The following SBF2 variants were observed in gnomAD, a reference collection of about 807,000 sequenced individuals.
SBF2 encodes the protein SET binding factor 2.
SBF2 carries 112 observed loss-of-function variants against 225.2 expected under a neutral mutation model. The ratio of observed to expected loss-of-function variants is 0.50; its 90% CI spans 0.43 to 0.58. SBF2 has a LOEUF of 0.58. SBF2 is among the 20% of genes least tolerant of loss of function. The pLI, the probability that SBF2 is intolerant of heterozygous loss-of-function variation, is 0.00. For synonymous variants in SBF2, 763 were observed against 773.3 expected, an observed-to-expected ratio of 0.99 and a Z score of 0.22; for missense variants, 1,996 against 2,206.2, an observed-to-expected ratio of 0.90 and a Z score of 1.91.
chr11:10,260,492 A>G (rs1961318828), intron 1 of SBF2, among the ~76,000 whole-genome samples: 1 of 152,026 alleles, frequency 6.6e-6, no homozygotes, highest in Non-Finnish European at 1.5e-5. Context: ...CAAGGCGGGC[A>G]GATCACGAGG....
chr11:10,166,607 T>C (rs1322097271), intron 2 of SBF2, among the ~76,000 whole-genome samples: 2 of 152,126 alleles, frequency 1.3e-5, no homozygotes, highest in African/African-American at 2.4e-5. Context: ...CCAAAAATGA[T>C]GTATTAATAA....
At chr11:9,852,644 CTA>C (rs1564916315) in intron 21 of SBF2, 30 bp downstream of exon 21, 1 of 1,508,980 alleles carries the variant, frequency 6.6e-7, no homozygotes, top group Admixed American at 1.7e-5. Context: ...AGAAGAGAGG[CTA>C]TACCCTGAAA....
intron 17 of SBF2, among the ~76,000 whole-genome samples, chr11:9,860,589 C>T (rs1405681685): frequency 6.6e-6 from 1 of 152,026 alleles, no homozygotes; most frequent in Non-Finnish European, 1.5e-5. Flanking sequence ...CCTTGGCCTC[C>T]CAAAGTGCTA....
chr11:9,945,197 A>G (rs1168422273), intron 16 of SBF2, among the ~76,000 whole-genome samples: 1 of 152,180 alleles, frequency 6.6e-6, no homozygotes, highest in Non-Finnish European at 1.5e-5. Flanking sequence ...TTCAAACTAT[A>G]CCACAAAACT....
intron 2 of SBF2, among the ~76,000 whole-genome samples, chr11:10,057,723 C>T (rs1950301472): frequency 6.6e-6 from 1 of 152,116 alleles, no homozygotes; most frequent in South Asian, 2.1e-4. Context: ...AAGTCATGAA[C>T]TACAGCCAGT....
At chr11:9,842,527 GT>G (rs1856235262) in intron 25 of SBF2, 97 bp downstream of exon 25, 7 of 1,271,546 alleles carry the variant, frequency 5.5e-6, no homozygotes, top group Non-Finnish European at 8.0e-6. Flanking sequence ...TGAGATCTAG[GT>G]TTTTGTGAAT....
chr11:10,083,598 T>C (rs1555016617), intron 2 of SBF2, among the ~76,000 whole-genome samples: 3 of 152,112 alleles, frequency 2.0e-5, no homozygotes, highest in Non-Finnish European at 2.9e-5. Flanking sequence ...TGATTTCTGA[T>C]AGAGTCAACA....
chr11:10,211,777 T>A (rs2135384124), intron 1 of SBF2, among the ~76,000 whole-genome samples: 1 of 152,326 alleles, frequency 6.6e-6, no homozygotes, highest in Non-Finnish European at 1.5e-5. Flanking sequence ...GTATTTCTGA[T>A]GTTCTCGGTT....
chr11:9,830,655 G>T (rs1303050092), intron 27 of SBF2, among the ~76,000 whole-genome samples: 3 of 150,712 alleles, frequency 2.0e-5, no homozygotes, highest in African/African-American at 4.9e-5. Flanking sequence ...CAGGAGAATC[G>T]CTTGAACCTT....
intron 6 of SBF2, among the ~76,000 whole-genome samples, chr11:10,021,109 A>G (rs962216314): frequency 3.3e-5 from 5 of 152,194 alleles, no homozygotes; most frequent in Non-Finnish European, 5.9e-5. Context: ...CTGATGGCCC[A>G]GGATCATTTT....
chr11:10,103,693 A>G (rs1242353300), intron 2 of SBF2, among the ~76,000 whole-genome samples: 3 of 152,248 alleles, frequency 2.0e-5, no homozygotes, highest in African/African-American at 7.2e-5. Context: ...TGGCAACAGT[A>G]GAATGAAGGG....
chr11:9,799,407 C>G (rs1853347624), intron 32 of SBF2, among the ~76,000 whole-genome samples: 1 of 152,152 alleles, frequency 6.6e-6, no homozygotes. Flanking sequence ...TCCTGTGTGC[C>G]ACAGGAGCAC....
At chr11:10,212,878 G>A (rs749502457) in intron 1 of SBF2, among the ~76,000 whole-genome samples, 4 of 152,052 alleles carry the variant, frequency 2.6e-5, no homozygotes, top group Non-Finnish European at 4.4e-5. Context: ...GGGGAACCCC[G>A]TCTCTACTAA....
rs190938023 is a variant in SBF2, at chr11:9,798,365, A to T, written c.4444-2408T>A. Among the ~76,000 whole-genome samples the T allele has an allele frequency of 2.6e-5, 4 of 152,288 alleles. No individual in the cohort carries two copies. The East Asian group carries it at 7.7e-4, about 29-fold the overall frequency. The stretch of plus-strand genomic sequence containing the variant: ...TGGAATCAACAGCCCCACCCCAAGG[A>T]GCCAGTGATGGAGAGGGGGGTTACT... On this transcript the variant is annotated intron_variant, in intron 32 of 39. Transcript: ENST00000256190.
rs757128114 is a variant in SBF2 at position 10,042,840 on chromosome 11, G to A, written c.279+4C>T. 6.2e-7 allele frequency: 1 copy of A among 1,613,718 alleles called. No homozygotes were observed. Among genetic ancestry groups the A allele is most frequent in the Non-Finnish European group, 8.5e-7 (1 of 1,179,736 alleles). On this transcript the variant is annotated splice_donor_region_variant and intron_variant, in intron 3 of 39. Coordinates refer to ENST00000256190, the MANE Select transcript of SBF2 (RefSeq NM_030962.4). ...TGTACTTTAGCTAGTAAAGGTTTTT[G>A]TACCTGAAGATTGATCTCTGCCTCA...
chr11:10,010,373 C>T (rs1948394223), intron 6 of SBF2, among the ~76,000 whole-genome samples: 1 of 152,086 alleles, frequency 6.6e-6, no homozygotes, highest in African/African-American at 2.4e-5. Context: ...GGTTTTAAGT[C>T]TTACATTTAA....
At chr11:10,233,431 C>T (rs1487512150) in intron 1 of SBF2, among the ~76,000 whole-genome samples, 2 of 136,396 alleles carry the variant, frequency 1.5e-5, no homozygotes, top group East Asian at 2.0e-4. Context: ...GCCGGGTGCT[C>T]CTATTATGAA....
chr11:9,998,134 T>G (rs1218359525), intron 9 of SBF2, 132 bp downstream of exon 9: 106 of 640,246 alleles, frequency 1.7e-4, no homozygotes, highest in Non-Finnish European at 1.9e-5. Context: ...TATGAGATTA[T>G]GTTCATGTTT....
intron 9 of SBF2, among the ~76,000 whole-genome samples, chr11:9,996,907 A>G (rs1371781106): frequency 6.6e-6 from 1 of 152,252 alleles, no homozygotes; most frequent in Non-Finnish European, 1.5e-5. Flanking sequence ...ACCAGGAGAC[A>G]GCCTAGAGAT....
Sources: allele counts gnomAD v4.1 joint callset (sites outside exome capture counted in the v4.1 genomes callset), GRCh38; gene constraint gnomAD v4.1.1; transcripts MANE v1.5; gene names NCBI Gene and HGNC (gene_info 2026-07-23, HGNC 2026-07-21).